The following DDX42 variants were observed in gnomAD, a reference collection of about 807,000 sequenced individuals.
DDX42 encodes ATP-dependent RNA helicase DDX42.
A neutral mutation model predicts 101.5 loss-of-function variants in DDX42; 22 were observed. The observed-to-expected ratio is 0.22, with a 90% confidence interval of 0.15 to 0.31. DDX42 has a LOEUF of 0.31. DDX42 is among the 10% of genes least tolerant of loss of function. DDX42 has a pLI of 1.00. For synonymous variants in DDX42, 402 were observed against 401.2 expected (o/e 1.00, Z -0.02); for missense variants, 849 against 1,199.9 (o/e 0.71, Z 4.32).
chr17:63,776,024 C>A (rs980645143), intron 1 of DDX42: 4 of 152,118 alleles, frequency 2.6e-5, no homozygotes, highest in African/African-American at 9.7e-5. Context: ...TATTTAGATT[C>A]TCATCAAAGA....
intron 14 of DDX42, among the ~76,000 whole-genome samples, chr17:63,812,800 G>A (rs996511086): frequency 6.6e-6 from 1 of 152,022 alleles, no homozygotes; most frequent in Non-Finnish European, 1.5e-5. Flanking sequence ...GGAGGCGGGC[G>A]GATCACCTGA....
intron 3 of DDX42, among the ~76,000 whole-genome samples, 154 bp downstream of exon 3, chr17:63,792,716 A>C (rs1336885011): frequency 6.6e-6 from 1 of 150,990 alleles, no homozygotes; most frequent in Non-Finnish European, 1.5e-5. Flanking sequence ...GCATATATCT[A>C]CTTCCACTTG....
chr17:63,818,315 G>T lies in DDX42; in HGVS notation c.2734G>T (p.Val912Leu), dbSNP rs1325545706. The stretch of plus-strand genomic sequence containing the variant: ...AGTGGACAGCAGCAAGATGGACAAG[G>T]TGGACAGCAAGACAGATAAGACAGC... ...PKVDSSKMDK[V>L]DSKTDKTADG... The change falls in exon 18 of 18, where the codon GTG (valine) becomes TTG (leucine). Residue 912 changes from valine (V) to leucine (L), a missense_variant. This residue lies in a region of DDX42 where 300 missense variants were observed against 304.9 expected (regional missense o/e 0.98). Transcript: ENST00000389924. The T allele has an allele frequency of 1.4e-5, 22 of 1,614,064 alleles. No individual in the cohort carries two copies. The highest frequency in any genetic ancestry group is 1.7e-5 in the Non-Finnish European group (20 of 1,180,056).
Position 63,810,558 on chromosome 17 carries a change from A to T in DDX42, c.1298A>T (p.Gln433Leu). 6.2e-7 allele frequency: 1 copy of T among 1,614,108 alleles called. No homozygotes were observed. Among genetic ancestry groups the T allele is most frequent in the Non-Finnish European group, 8.5e-7 (1 of 1,180,004 alleles). The change falls in exon 12 of 18, where the codon CAG (glutamine) becomes CTG (leucine). Residue 433 changes from glutamine to leucine, a missense_variant and splice_region_variant. Physicochemically the swap from Gln to Leu is moderately radical, Grantham distance 113. This residue lies in a region of DDX42 where 370 missense variants were observed against 608.8 expected (regional missense o/e 0.61). Coordinates refer to ENST00000389924, the MANE Select transcript of DDX42 (RefSeq NM_203499.3). The stretch of plus-strand genomic sequence containing the variant: ...GCAAGTCATGTTCGTCCTGACAGGC[A>T]GAGTATGTATGAAGCACCTTTGTTA... ...SIASHVRPDRQTLLFSATFRK... is the reference protein window; with the variant it reads ...SIASHVRPDRLTLLFSATFRK...
At chr17:63,814,691 T>C (rs961819482) in intron 15 of DDX42, among the ~76,000 whole-genome samples, 3 of 143,040 alleles carry the variant, frequency 2.1e-5, no homozygotes, top group Non-Finnish European at 3.1e-5. Context: ...TTTTTTTTTT[T>C]TTTTTTTCTT....
intron 11 of DDX42, 163 bp from the exon 12 acceptor site, chr17:63,810,350 G>A (rs911308765): frequency 1.4e-5 from 7 of 517,846 alleles, no homozygotes; most frequent in South Asian, 9.7e-5. Flanking sequence ...TTCGGCCTCC[G>A]AAAGTGCTAG....
intron 16 of DDX42, chr17:63,816,553 C>T: frequency 4.8e-6 from 1 of 207,148 alleles, no homozygotes; most frequent in Non-Finnish European, 9.7e-6. Flanking sequence ...CTATTCAGGG[C>T]CTTTTCATCT....
chr17:63,800,094 C>T (rs2039743935), intron 5 of DDX42: 3 of 210,360 alleles, frequency 1.4e-5, no homozygotes, highest in African/African-American at 2.3e-5. Flanking sequence ...GAGTGGTAGC[C>T]GTTTCCAGGT....
chr17:63,775,928 C>T (rs2039415478), intron 1 of DDX42: 1 of 152,152 alleles, frequency 6.6e-6, no homozygotes, highest in African/African-American at 2.4e-5. Context: ...TTTAAGCTGA[C>T]AGGAGAAGGG....
intron 16 of DDX42, 34 bp from the exon 17 acceptor site, chr17:63,816,834 T>G (rs1266375825): frequency 1.3e-6 from 2 of 1,579,950 alleles, no homozygotes; most frequent in Non-Finnish European, 1.7e-6. Flanking sequence ...TCCTGCTTAT[T>G]TTTTCATTCT....
intron 15 of DDX42, among the ~76,000 whole-genome samples, chr17:63,815,352 T>C (rs1432506241): frequency 6.6e-6 from 1 of 152,190 alleles, no homozygotes; most frequent in Non-Finnish European, 1.5e-5. Context: ...AAGCCTTAGA[T>C]AAGGATCTCA....
chr17:63,791,835 A>C (rs773650089), intron 2 of DDX42, among the ~76,000 whole-genome samples: 5 of 151,998 alleles, frequency 3.3e-5, no homozygotes, highest in Non-Finnish European at 7.4e-5. Context: ...CACGTAAGGT[A>C]AGGAGTTCGA....
chr17:63,809,915 A>G (rs181726255), intron 11 of DDX42, among the ~76,000 whole-genome samples: 10 of 152,274 alleles, frequency 6.6e-5, no homozygotes, highest in African/African-American at 2.4e-4. Context: ...ATTTTTATCC[A>G]TATGCCTTTG....
intron 13 of DDX42, chr17:63,811,722 C>T: frequency 1.5e-6 from 1 of 651,388 alleles, no homozygotes; most frequent in Non-Finnish European, 2.7e-6. Context: ...AGTAGTGGGG[C>T]ATACAAATTA....
chr17:63,786,308 G>A (rs2039546833), intron 1 of DDX42, among the ~76,000 whole-genome samples: 2 of 152,154 alleles, frequency 1.3e-5, no homozygotes, highest in African/African-American at 4.8e-5. Flanking sequence ...CTATTCACAG[G>A]CAGGATCATA....
Position 63,815,683 on chromosome 17 carries a change from GACT to G in DDX42, c.2013+16_2013+18del. ...GGGCTCTGAGAACATGGTGAGTCTA[GACT>G]ACTACAGTAGTGCCTTTATAGTTGG... is the stretch of plus-strand genomic sequence containing the variant. On this transcript the variant is annotated intron_variant, in intron 16 of 17. Coordinates refer to ENST00000389924, the MANE Select transcript of DDX42 (RefSeq NM_203499.3). 6.3e-7 allele frequency: 1 copy of G among 1,579,620 alleles called. No homozygotes were observed. Among genetic ancestry groups the G allele is most frequent in the Non-Finnish European group, 8.7e-7 (1 of 1,150,850 alleles).
At chr17:63,806,893 A>C (rs1166799258) in intron 8 of DDX42, among the ~76,000 whole-genome samples, 1 of 152,186 alleles carries the variant, frequency 6.6e-6, no homozygotes, top group Non-Finnish European at 1.5e-5. Flanking sequence ...CTAACCAAAA[A>C]GGTTCGTATA....
At chr17:63,814,784 G>A (rs1486515370) in intron 15 of DDX42, among the ~76,000 whole-genome samples, 1 of 146,794 alleles carries the variant, frequency 6.8e-6, no homozygotes, top group African/African-American at 2.5e-5. Context: ...CTGCGTCTCC[G>A]GTTCAAACAG....
intron 2 of DDX42, among the ~76,000 whole-genome samples, chr17:63,789,561 T>TG (rs2039597819): frequency 1.7e-5 from 1 of 59,064 alleles, no homozygotes; most frequent in African/African-American, 1.3e-4. Flanking sequence ...TTGTTTTTGT[T>TG]TTTGTTTTTG....
Sources: allele counts gnomAD v4.1 joint callset (sites outside exome capture counted in the v4.1 genomes callset), GRCh38; gene constraint gnomAD v4.1.1; regional missense constraint gnomAD v4.1.1; transcripts MANE v1.5; gene names NCBI Gene and HGNC (gene_info 2026-07-23, HGNC 2026-07-21).